The following CACNA1C variants were observed in gnomAD, a reference collection of about 807,000 sequenced individuals.
The protein encoded by CACNA1C is calcium voltage-gated channel subunit alpha1 C, also known as voltage-dependent L-type calcium channel subunit alpha-1C.
In CACNA1C, 30 loss-of-function variants were observed where a neutral mutation model predicts 229.0. That is an observed-to-expected ratio of 0.13 (90% CI 0.10 to 0.18). CACNA1C has a LOEUF of 0.18. CACNA1C is among the 10% of genes least tolerant of loss of function. The pLI is 1.00. For missense variants in CACNA1C, 1,658 were observed against 2,845.0 expected (o/e 0.58, Z 9.49); for synonymous variants, 1,114 against 1,132.5 (o/e 0.98, Z 0.33).
At chr12:2,138,158 G>A (rs946127967) in intron 3 of CACNA1C, among the ~76,000 whole-genome samples, 4 of 151,448 alleles carry the variant, frequency 2.6e-5, no homozygotes, top group African/African-American at 9.7e-5. Flanking sequence ...ATGGCCTGGG[G>A]CAGCCTCTCT....
intron 1 of CACNA1C, among the ~76,000 whole-genome samples, chr12:2,111,742 A>G (rs1424483407): frequency 2.6e-5 from 4 of 152,204 alleles, no homozygotes; most frequent in African/African-American, 9.6e-5. Context: ...AGAAAAAATT[A>G]TATACCACAG....
intron 3 of CACNA1C, among the ~76,000 whole-genome samples, chr12:2,349,521 T>C (rs149196935): frequency 1.3e-5 from 2 of 152,168 alleles, no homozygotes; most frequent in Non-Finnish European, 1.5e-5. Flanking sequence ...GGGCGCAGCA[T>C]GCAAAGCAGA....
Position 2,618,760 on chromosome 12 carries a change from G to C in CACNA1C, c.3828+6747G>C, listed in dbSNP as rs549801544. 1.6e-4 allele frequency among the ~76,000 whole-genome samples: 24 copies of C among 152,372 alleles called. No individual in the cohort carries two copies. In the South Asian group the frequency reaches 1.9e-3, roughly 12 times the overall value. The stretch of plus-strand genomic sequence containing the variant: ...AAAGCTCAGTCAAGGACCAGGAGAA[G>C]GAAGGGGAAGTGGGATGGCCAGGAG... On this transcript the variant is annotated intron_variant, in intron 29 of 46. Transcript: ENST00000399655.
chr12:2,391,357 G>A (rs1837231051), intron 3 of CACNA1C, among the ~76,000 whole-genome samples: 2 of 152,196 alleles, frequency 1.3e-5, no homozygotes, highest in South Asian at 4.1e-4. Flanking sequence ...TTGTAGATGA[G>A]ATGACTCAGA....
intron 3 of CACNA1C, among the ~76,000 whole-genome samples, chr12:2,129,188 G>A (rs2091411101): frequency 6.6e-6 from 1 of 152,232 alleles, no homozygotes; most frequent in African/African-American, 2.4e-5. Context: ...CTGGAAACGG[G>A]ATGAGACACG....
intron 1 of CACNA1C, among the ~76,000 whole-genome samples, chr12:1,981,984 A>C (rs1319612868): frequency 2.0e-5 from 3 of 152,202 alleles, no homozygotes; most frequent in Non-Finnish European, 2.9e-5. Flanking sequence ...GTGATCTGAA[A>C]GGGTAACTGA....
chr12:2,248,285 C>T (rs774839320), intron 3 of CACNA1C, among the ~76,000 whole-genome samples: 10 of 152,168 alleles, frequency 6.6e-5, no homozygotes, highest in African/African-American at 1.9e-4. Flanking sequence ...AGCTCCTGAC[C>T]AGTTAAGGGG....
intron 3 of CACNA1C, among the ~76,000 whole-genome samples, chr12:2,385,648 CACCCATCTAAGAAGCAA>C (rs1409528578): frequency 6.6e-6 from 1 of 152,218 alleles, no homozygotes; most frequent in East Asian, 1.9e-4. Flanking sequence ...GTGGCTGCCT[CACCCATCTAAGAAGCAA>C]ACCTGGTAAA....
rs571791344 is a variant in CACNA1C, at chr12:2,661,270, T to TACACAC, written c.4233-3551_4233-3546dup. Among the ~76,000 whole-genome samples the TACACAC allele has an allele frequency of 5.6e-3, 734 of 131,170 alleles. 7 individuals carry two copies. Among genetic ancestry groups the TACACAC allele is most frequent in the East Asian group, 0.016 (72 of 4,378 alleles). The allele number at this position is 131,170 out of a possible 152,430, so 86.1% of individuals were successfully genotyped here. On this transcript the variant is annotated intron_variant, in intron 34 of 46. Transcript: ENST00000399655. ...AAGTGACATCCCATCTCTAAACACA[T>TACACAC]ACACACACATACACACACACACACA...
intron 3 of CACNA1C, among the ~76,000 whole-genome samples, chr12:2,416,240 A>G (rs1291105177): frequency 3.3e-5 from 5 of 151,798 alleles, no homozygotes; most frequent in Admixed American, 1.3e-4. Context: ...CCCTTCCTTT[A>G]TGGCTCGCTT....
chr12:1,975,438 A>T (rs531811469), intron 1 of CACNA1C, among the ~76,000 whole-genome samples: 45 of 152,164 alleles, frequency 3.0e-4, no homozygotes, highest in Non-Finnish European at 5.0e-4. Flanking sequence ...AATATAAAAC[A>T]CAGAATCTAA....
At chr12:2,622,327 C>G (rs963390656) in intron 29 of CACNA1C, among the ~76,000 whole-genome samples, 2 of 152,138 alleles carry the variant, frequency 1.3e-5, no homozygotes, top group Non-Finnish European at 1.5e-5. Context: ...TCTGACTGTC[C>G]TTGGAAACCA....
chr12:2,450,356 C>T (rs1040775830), intron 4 of CACNA1C, among the ~76,000 whole-genome samples: 39 of 151,824 alleles, frequency 2.6e-4, no homozygotes, highest in Middle Eastern at 3.4e-3. Context: ...AGATCGAGAC[C>T]ATCCTGGCTA....
chr12:2,142,838 C>G (rs891923192), intron 3 of CACNA1C, among the ~76,000 whole-genome samples: 1 of 150,944 alleles, frequency 6.6e-6, no homozygotes, highest in East Asian at 1.9e-4. Context: ...TTTTGTACAG[C>G]TATACAGTGT....
chr12:2,053,128 G>A lies in CACNA1C; in HGVS notation c.-435G>A, dbSNP rs2052791074. 2.0e-6 allele frequency: 2 copies of A among 984,846 alleles called. No homozygotes were observed. The highest frequency in any genetic ancestry group is 1.2e-6 in the Non-Finnish European group (1 of 829,750). The allele number at this position is 984,846 out of a possible 1,614,324, so 61.0% of individuals were successfully genotyped here. A position where few individuals can be genotyped will look rare whatever the true frequency, so the allele number is the denominator to read the frequency against. Reference sequence around the variant, plus strand: ...GCTCCCTTTGACAGCAGAGAGCCGGGCAGGGGCCTCAGGAGGACTCGCTGG... The same window carrying A: ...GCTCCCTTTGACAGCAGAGAGCCGGACAGGGGCCTCAGGAGGACTCGCTGG... On this transcript the variant is annotated 5_prime_UTR_variant, in exon 1 of 47. Transcript: ENST00000399655. The surrounding 1 kb of genome is among the most constrained non-coding windows in gnomAD (Gnocchi z 5.8).
chr12:2,331,611 G>A (rs55642427), intron 3 of CACNA1C, among the ~76,000 whole-genome samples: 13,703 of 152,282 alleles, frequency 0.09, 1,846 homozygotes, highest in African/African-American at 0.29. Flanking sequence ...ACATACGGAA[G>A]TTAGTGAATA....
chr12:1,995,071 A>ATT (rs564965584), intron 1 of CACNA1C, among the ~76,000 whole-genome samples: 1 of 152,050 alleles, frequency 6.6e-6, no homozygotes, highest in Non-Finnish European at 1.5e-5. Flanking sequence ...ACAGCAAAGG[A>ATT]TTTTTTTCTC....
intron 4 of CACNA1C, among the ~76,000 whole-genome samples, chr12:2,453,172 G>A (rs541473593): frequency 2.6e-5 from 4 of 152,208 alleles, no homozygotes; most frequent in Middle Eastern, 3.4e-3. Flanking sequence ...GAGCCAGAAC[G>A]CCAGTCACGC....
At chr12:2,092,218 C>T (rs1404429695) in intron 1 of CACNA1C, among the ~76,000 whole-genome samples, 1 of 152,176 alleles carries the variant, frequency 6.6e-6, no homozygotes, top group Admixed American at 6.5e-5. Context: ...CGCCTCCTTC[C>T]CCCAGCCCCT....
Sources: gnomAD v4.1 joint callset for allele counts (sites outside exome capture counted in the v4.1 genomes callset) on GRCh38, gnomAD v4.1.1 for gene constraint, Gnocchi (gnomAD v3.1) non-coding constraint, MANE v1.5 for transcripts, NCBI Gene and HGNC (gene_info 2026-07-23, HGNC 2026-07-21) for gene names.